Variants in GRM4 observed in about 807,000 individuals in gnomAD.
The protein encoded by GRM4 is metabotropic glutamate receptor 4.
GRM4 carries 28 observed loss-of-function variants against 81.7 expected under a neutral mutation model. That is an observed-to-expected ratio of 0.34 (90% CI 0.25 to 0.47). The LOEUF is 0.47. Among genes scored for constraint, GRM4 ranks in the 20% least tolerant of loss-of-function variants. GRM4 has a pLI of 1.00. For missense variants in GRM4, 948 were observed against 1,290.0 expected (o/e 0.73, Z 4.06); for synonymous variants, 488 against 528.8 (o/e 0.92, Z 1.06).
intron 3 of GRM4, chr6:34,062,282 A>G: frequency 2.4e-6 from 1 of 410,816 alleles, no homozygotes. Flanking sequence ...TTCCCCATAT[A>G]GCAGCTAGAA....
chr6:34,042,148 C>T lies in GRM4; in HGVS notation c.1169-1400G>A, dbSNP rs566661040. ...AGGCCTGATGGGAGGTAGCTGTAAT[C>T]CCTGCTACTCAGGAGGCTGAGGCAC... On this transcript the variant is annotated intron_variant, in intron 6 of 10. Transcript: ENST00000538487. This position sits in a 1 kb window ranked among gnomAD's most constrained non-coding sequence, Gnocchi z 4.2. 7.9e-5 allele frequency among the ~76,000 whole-genome samples: 12 copies of T among 152,308 alleles called. No individual in the cohort carries two copies. The highest frequency in any genetic ancestry group is 2.1e-4 in the South Asian group (1 of 4,816).
chr6:34,110,159 C>T lies in GRM4; in HGVS notation c.520-18060G>A, dbSNP rs367562263. ...AAAATTTAAAATTAGCCAGGCATGG[C>T]GGTGCACAACTATAGTTCCAGCTAC... On this transcript the variant is annotated intron_variant, in intron 2 of 10. Transcript: ENST00000538487. 1.6e-4 allele frequency among the ~76,000 whole-genome samples: 25 copies of T among 152,160 alleles called. No individual in the cohort carries two copies. In the East Asian group the frequency reaches 2.3e-3, roughly 14 times the overall value.
intron 9 of GRM4, among the ~76,000 whole-genome samples, chr6:34,028,828 G>A (rs1764267786): frequency 6.6e-6 from 1 of 152,130 alleles, no homozygotes; most frequent in South Asian, 2.1e-4. Context: ...TTGGTGCTTT[G>A]GGATAACACC....
chr6:34,087,055 G>T (rs893927414), intron 3 of GRM4, among the ~76,000 whole-genome samples: 2 of 151,704 alleles, frequency 1.3e-5, no homozygotes, highest in African/African-American at 2.4e-5. Context: ...AGCCTGAGAG[G>T]TTGAGGCTCC....
upstream of GRM4, among the ~76,000 whole-genome samples, chr6:34,151,077 G>C (rs1771035357): frequency 6.6e-6 from 1 of 152,232 alleles, no homozygotes; most frequent in African/African-American, 2.4e-5. Flanking sequence ...GGAAGGCAGG[G>C]ATGGCTGAGG....
chr6:34,032,250 CCA>C (rs1764474234), intron 9 of GRM4, among the ~76,000 whole-genome samples: 1 of 152,150 alleles, frequency 6.6e-6, no homozygotes, highest in Admixed American at 6.5e-5. Flanking sequence ...TGCACACACA[CCA>C]CACATGCACC....
chr6:34,066,124 G>A (rs1302912056), intron 3 of GRM4, among the ~76,000 whole-genome samples: 2 of 152,128 alleles, frequency 1.3e-5, no homozygotes, highest in Non-Finnish European at 2.9e-5. Context: ...ACCCTCTGCA[G>A]AACCACACGG....
In GRM4 at chr6:34,035,713, C is replaced by T; in HGVS notation, c.2397G>A (p.Leu799=). 1 of 1,598,266 alleles carries T rather than the reference C, an allele frequency of 6.3e-7. No homozygotes were observed. Among genetic ancestry groups the T allele is most frequent in the South Asian group, 1.1e-5 (1 of 90,462 alleles). Residue 799 remains leucine (L), a synonymous_variant, in exon 9 of 11, where the codon CTG becomes CTA. Coordinates refer to ENST00000538487, the MANE Select transcript of GRM4 (RefSeq NM_000841.4). This position sits in a 1 kb window ranked among gnomAD's most constrained non-coding sequence, Gnocchi z 6.6. ...TGCCAAAGAAGATGGGGATGAAGGC[C>T]AGCCAGACGATGCAAGTGGTGTACA... The part of the protein sequence containing the change: ...FTMYTTCIVW[L]AFIPIFFGTS...
chr6:34,065,802 G>A (rs1766429205), intron 3 of GRM4, among the ~76,000 whole-genome samples: 1 of 152,254 alleles, frequency 6.6e-6, no homozygotes, highest in Admixed American at 6.5e-5. Context: ...CAAGTTGGAT[G>A]GAGAGTGAGG....
At chr6:34,051,595 G>A (rs1486893693) in intron 6 of GRM4, among the ~76,000 whole-genome samples, 3 of 152,156 alleles carry the variant, frequency 2.0e-5, no homozygotes, top group Admixed American at 2.0e-4. Flanking sequence ...CCTTGTTTAC[G>A]ACTTTAATTC....
intron 2 of GRM4, among the ~76,000 whole-genome samples, chr6:34,100,860 G>A (rs1247523592): frequency 6.6e-6 from 1 of 152,230 alleles, no homozygotes; most frequent in Non-Finnish European, 1.5e-5. Context: ...GCTACTGTAA[G>A]CAATGGGTCC....
At chr6:34,105,300 A>T (rs1375565450) in intron 2 of GRM4, among the ~76,000 whole-genome samples, 1 of 151,828 alleles carries the variant, frequency 6.6e-6, no homozygotes, top group Non-Finnish European at 1.5e-5. Flanking sequence ...AAGGGTCCTG[A>T]CCCCTGGGAG....
At chr6:34,126,066 C>T (rs757288571) in intron 2 of GRM4, among the ~76,000 whole-genome samples, 12 of 152,172 alleles carry the variant, frequency 7.9e-5, no homozygotes, top group African/African-American at 2.2e-4. Flanking sequence ...AGTAAACTGA[C>T]GCTTGTAGAG....
At chr6:34,054,592 C>T (rs1023522708) in intron 6 of GRM4, 6 of 152,238 alleles carry the variant, frequency 3.9e-5, no homozygotes, top group African/African-American at 1.2e-4. Context: ...GGAGTCTGGA[C>T]AGAGCCTACA....
chr6:34,082,515 G>A (rs1367275999), intron 3 of GRM4, among the ~76,000 whole-genome samples: 2 of 152,178 alleles, frequency 1.3e-5, no homozygotes, highest in African/African-American at 2.4e-5. Flanking sequence ...TTGGCTGCAT[G>A]CTGTCGATAA....
At chr6:34,053,674 C>T (rs374068861) in intron 6 of GRM4, among the ~76,000 whole-genome samples, 1 of 152,232 alleles carries the variant, frequency 6.6e-6, no homozygotes, top group African/African-American at 2.4e-5. Context: ...CCCTTCCCTC[C>T]AAGCCAGAGG....
At chr6:34,120,226 G>A (rs953120223) in intron 2 of GRM4, among the ~76,000 whole-genome samples, 3 of 151,632 alleles carry the variant, frequency 2.0e-5, no homozygotes, top group Admixed American at 6.6e-5. Context: ...CTTTGAAGGA[G>A]ACCCTCAGGC....
At position 34,036,279 on chromosome 6, in the gene GRM4, G is replaced by T. The variant is rs370298804; in HGVS notation, c.1831C>A (p.Arg611Ser). The T allele has an allele frequency of 3.1e-6, 5 of 1,613,968 alleles. No individual in the cohort carries two copies. In the African/African-American group the frequency reaches 6.7e-5, roughly 22 times the overall value. Reference sequence around the variant, plus strand: ...TTGACGATGGGCGTGTCGTTGTAGCGCACAAAGGTGATCACCACGAACAAC... The same window carrying T: ...TTGACGATGGGCGTGTCGTTGTAGCTCACAAAGGTGATCACCACGAACAAC... ...ATLFVVITFVRYNDTPIVKAS... is the reference protein window; with the variant it reads ...ATLFVVITFVSYNDTPIVKAS... Residue 611 changes from arginine to serine, a missense_variant, in exon 9 of 11, where the codon CGC becomes AGC. Physicochemically the swap from Arg to Ser is moderately radical, Grantham distance 110. Coordinates refer to ENST00000538487, the MANE Select transcript of GRM4 (RefSeq NM_000841.4). The surrounding 1 kb of genome is among the most constrained non-coding windows in gnomAD (Gnocchi z 9.0).
In GRM4 at chr6:34,047,023, G is replaced by A. The variant is rs1348407523; in HGVS notation, c.1169-6275C>T. On this transcript the variant is annotated intron_variant, in intron 6 of 10. Transcript: ENST00000538487. This position sits in a 1 kb window ranked among gnomAD's most constrained non-coding sequence, Gnocchi z 4.5. Reference sequence around the variant, plus strand: ...GGCTCTGACTCTTGGCTGGGCCATGGCCCAGCTATACACTCTAGGCCAAGT... The same window carrying A: ...GGCTCTGACTCTTGGCTGGGCCATGACCCAGCTATACACTCTAGGCCAAGT... 1.3e-5 allele frequency among the ~76,000 whole-genome samples: 2 copies of A among 152,050 alleles called. No homozygotes were observed. Among genetic ancestry groups the A allele is most frequent in the Non-Finnish European group, 2.9e-5 (2 of 68,000 alleles).
Sources: gnomAD v4.1 joint callset for allele counts (sites outside exome capture counted in the v4.1 genomes callset) on GRCh38, gnomAD v4.1.1 for gene constraint, Gnocchi (gnomAD v3.1) non-coding constraint, MANE v1.5 for transcripts, NCBI Gene and HGNC (gene_info 2026-07-23, HGNC 2026-07-21) for gene names.